ZNF343: variants seen among roughly 807,000 people sequenced by gnomAD.
ZNF343 encodes zinc finger protein 343.
Under a neutral mutation model 13.8 loss-of-function variants are expected in ZNF343, and 11 were observed. The ratio of observed to expected loss-of-function variants is 0.80; its 90% CI spans 0.50 to 1.32. The LOEUF is 1.32. ZNF343 is among the 40% of genes most tolerant of loss of function. The pLI is 0.00. For missense variants in ZNF343, 658 were observed against 714.2 expected, an observed-to-expected ratio of 0.92 and a Z score of 0.90; for synonymous variants, 248 against 260.0, an observed-to-expected ratio of 0.95 and a Z score of 0.44.
intron 1 of ZNF343, among the ~76,000 whole-genome samples, chr20:2,520,510 A>G (rs985402729): frequency 3.9e-5 from 6 of 152,194 alleles, no homozygotes; most frequent in African/African-American, 1.4e-4. Context: ...TGTGCTACCT[A>G]TGCCTAGCTA....
At chr20:2,489,874 C>A (rs1409971065) in intron 5 of ZNF343, among the ~76,000 whole-genome samples, 1 of 151,896 alleles carries the variant, frequency 6.6e-6, no homozygotes, top group African/African-American at 2.4e-5. Context: ...GAGACTCGGG[C>A]CGGGCTATGG....
intron 1 of ZNF343, among the ~76,000 whole-genome samples, chr20:2,522,198 TAG>T (rs2085785478): frequency 1.3e-5 from 2 of 152,210 alleles, no homozygotes; most frequent in Non-Finnish European, 2.9e-5. Context: ...CTAAAATGCT[TAG>T]TACTGACTAC....
chr20:2,509,101 C>A (rs950999871), upstream of ZNF343: 4 of 152,232 alleles, frequency 2.6e-5, no homozygotes, highest in African/African-American at 2.4e-5. Context: ...AAGTCTCTGT[C>A]CCCTTGGCCC....
chr20:2,504,131 C>G (rs2085615897), intron 1 of ZNF343, among the ~76,000 whole-genome samples: 1 of 152,068 alleles, frequency 6.6e-6, no homozygotes, highest in Non-Finnish European at 1.5e-5. Flanking sequence ...AAGGGGATAT[C>G]ACCACTGATC....
intron 4 of ZNF343, 62 bp downstream of exon 4, chr20:2,493,457 G>T: frequency 7.0e-7 from 1 of 1,433,730 alleles, no homozygotes; most frequent in South Asian, 1.1e-5. Flanking sequence ...GAGAATATAT[G>T]TCTATTCTCT....
chr20:2,506,290 AAAC>A (rs2085655062), intron 1 of ZNF343, among the ~76,000 whole-genome samples: 1 of 152,152 alleles, frequency 6.6e-6, no homozygotes, highest in African/African-American at 2.4e-5. Context: ...AAAAGTCAGG[AAAC>A]AACAGGTGCT....
chr20:2,516,455 G>A (rs1417088073), intron 1 of ZNF343, among the ~76,000 whole-genome samples: 16 of 152,152 alleles, frequency 1.1e-4, no homozygotes, highest in Non-Finnish European at 2.2e-4. Flanking sequence ...AGGTCCCAGT[G>A]AGGATTAAAG....
At chr20:2,507,221 G>A (rs1317196494) in intron 1 of ZNF343, among the ~76,000 whole-genome samples, 9 of 145,070 alleles carry the variant, frequency 6.2e-5, no homozygotes, top group African/African-American at 1.0e-4. Flanking sequence ...CCGAGATCGC[G>A]CCACTGCACT....
In ZNF343 at chr20:2,484,251, C is replaced by A. The variant is rs2085243262; in HGVS notation, c.710G>T (p.Arg237Ile). The change falls in exon 6 of 6, where the codon AGA (arginine) becomes ATA (isoleucine). Residue 237 changes from arginine (R) to isoleucine (I), a missense_variant. Physicochemically the swap from Arg to Ile is moderately conservative, Grantham distance 97 (BLOSUM62 -3). Transcript: ENST00000278772. ...CTCTCTACAGTTGATTGCTCCAAAT[C>A]TCAAGGTTTCTAATTCCTTCAAGCC... ...DKGLKELETL[R>I]FGAINCREYE... 3.1e-6 allele frequency: 5 copies of A among 1,614,188 alleles called. 1 individual carries two copies. The highest frequency in any genetic ancestry group is 2.5e-6 in the Non-Finnish European group (3 of 1,180,040).
chr20:2,499,244 T>C (rs972434569), intron 2 of ZNF343, among the ~76,000 whole-genome samples: 22 of 145,752 alleles, frequency 1.5e-4, no homozygotes, highest in Non-Finnish European at 2.8e-4. Context: ...GGTGGGCGGA[T>C]CACGAGGTCA....
chr20:2,498,305 G>A (rs772937838), intron 2 of ZNF343, among the ~76,000 whole-genome samples: 22 of 152,326 alleles, frequency 1.4e-4, no homozygotes, highest in South Asian at 2.1e-4. Flanking sequence ...GCGGTGAGCC[G>A]AGATAGTGCC....
At chr20:2,509,394 C>G (rs1171923344), upstream of ZNF343, among the ~76,000 whole-genome samples, 1 of 152,216 alleles carries the variant, frequency 6.6e-6, no homozygotes, top group East Asian at 1.9e-4. Flanking sequence ...CGCCTCCCAG[C>G]GTCTCAGTTG....
At chr20:2,493,493 A>G in intron 4 of ZNF343, 26 bp downstream of exon 4, 1 of 1,605,380 alleles carries the variant, frequency 6.2e-7, no homozygotes, top group Non-Finnish European at 8.5e-7. Flanking sequence ...ACTTCAGGAA[A>G]AAAAAAAAAT....
chr20:2,497,971 G>A (rs943218690), intron 2 of ZNF343, among the ~76,000 whole-genome samples: 8 of 152,214 alleles, frequency 5.3e-5, no homozygotes, highest in African/African-American at 1.4e-4. Context: ...CCTGCTAGTT[G>A]TTAGGCACTG....
rs1329863922 is a variant in ZNF343, at chr20:2,508,203, C to T, written c.-237+678G>A. On this transcript the variant is annotated intron_variant, in intron 1 of 5. Transcript: ENST00000278772. This position sits in a 1 kb window ranked among gnomAD's most constrained non-coding sequence, Gnocchi z 4.5. ...AAACCTCCCTCACCTCCCTAAAAAC[C>T]CCAGGGACTCCTGACCCAAGACACT... 6.6e-6 allele frequency among the ~76,000 whole-genome samples: 1 copy of T among 152,034 alleles called. No homozygotes were observed. The highest frequency in any genetic ancestry group is 1.5e-5 in the Non-Finnish European group (1 of 67,998).
chr20:2,509,124 A>C (rs2085719183), upstream of ZNF343: 2 of 152,188 alleles, frequency 1.3e-5, no homozygotes, highest in African/African-American at 4.8e-5. Context: ...TCTGCAAAAA[A>C]AAGACTACAC....
chr20:2,488,060 C>A (rs1245823434), intron 5 of ZNF343, among the ~76,000 whole-genome samples: 2 of 152,272 alleles, frequency 1.3e-5, no homozygotes, highest in Non-Finnish European at 2.9e-5. Context: ...GAAAATAACT[C>A]TTTATATGTG....
Position 2,495,845 on chromosome 20 carries a change from T to C in ZNF343, c.-149-1801A>G, listed in dbSNP as rs150919986. 2.0e-3 allele frequency among the ~76,000 whole-genome samples: 302 copies of C among 152,258 alleles called. 2 individuals carry two copies. Among genetic ancestry groups the C allele is most frequent in the Non-Finnish European group, 3.7e-3 (250 of 68,018 alleles). On this transcript the variant is annotated intron_variant, in intron 2 of 5. Transcript: ENST00000278772. ...ACAGGCACCTGCCACCACATCCAGC[T>C]AATTGTTTGAATTTTTAGTAGAGAT...
intron 4 of ZNF343, among the ~76,000 whole-genome samples, chr20:2,493,298 C>A (rs2085397206): frequency 6.6e-6 from 1 of 152,038 alleles, no homozygotes; most frequent in Non-Finnish European, 1.5e-5. Context: ...CAGATGGGGT[C>A]TGGAATGAGC....
Sources: gnomAD v4.1 joint callset for allele counts (sites outside exome capture counted in the v4.1 genomes callset) on GRCh38, gnomAD v4.1.1 for gene constraint, Gnocchi (gnomAD v3.1) non-coding constraint, MANE v1.5 for transcripts, NCBI Gene and HGNC (gene_info 2026-07-23, HGNC 2026-07-21) for gene names.